The following CSPP1 variants were observed in gnomAD, a reference collection of about 807,000 sequenced individuals.
CSPP1 encodes the protein centrosome and spindle pole-associated protein 1.
Under a neutral mutation model 164.4 loss-of-function variants are expected in CSPP1, and 126 were observed. The observed-to-expected ratio is 0.77, with a 90% confidence interval of 0.66 to 0.89. CSPP1 has a LOEUF of 0.89. CSPP1 is among the 40% of genes least tolerant of loss of function. The pLI is 0.00. For synonymous variants in CSPP1, 472 were observed against 476.7 expected, an observed-to-expected ratio of 0.99 and a Z score of 0.13; for missense variants, 1,395 against 1,449.8, an observed-to-expected ratio of 0.96 and a Z score of 0.61.
intron 3 of CSPP1, among the ~76,000 whole-genome samples, chr8:67,085,143 A>G (rs1810113243): frequency 6.6e-6 from 1 of 152,154 alleles, no homozygotes; most frequent in South Asian, 2.1e-4. Flanking sequence ...TCTGTTTGGG[A>G]TGATGAAAAA....
intron 18 of CSPP1, among the ~76,000 whole-genome samples, chr8:67,151,050 G>A (rs1385453825): frequency 1.3e-5 from 2 of 152,114 alleles, no homozygotes; most frequent in Non-Finnish European, 2.9e-5. Context: ...AAGTGAAGTG[G>A]GGAGCTGTGA....
At chr8:67,167,389 C>T (rs1433070157) in intron 24 of CSPP1, among the ~76,000 whole-genome samples, 15 of 144,168 alleles carry the variant, frequency 1.0e-4, no homozygotes, top group African/African-American at 3.1e-4. Context: ...GCTGGCCGGG[C>T]GGGGGCTGCC....
At chr8:67,076,715 A>G (rs1807996409) in intron 3 of CSPP1, 134 bp downstream of exon 3, 1 of 511,472 alleles carries the variant, frequency 2.0e-6, no homozygotes, top group Non-Finnish European at 3.4e-6. Context: ...ACGTAAGTCA[A>G]TATGGTCTAC....
At chr8:67,120,442 C>G (rs1327123792) in intron 15 of CSPP1, among the ~76,000 whole-genome samples, 1 of 152,138 alleles carries the variant, frequency 6.6e-6, no homozygotes. Context: ...TGTATTGAAT[C>G]TTTGGGTAGT....
intron 16 of CSPP1, 57 bp downstream of exon 16, chr8:67,132,137 C>A: frequency 6.7e-7 from 1 of 1,501,844 alleles, no homozygotes; most frequent in South Asian, 1.3e-5. Context: ...CATGGTGGTC[C>A]CTTAGAGCTC....
At chr8:67,178,440 A>C (rs1009367355) in intron 27 of CSPP1, among the ~76,000 whole-genome samples, 3 of 152,230 alleles carry the variant, frequency 2.0e-5, no homozygotes, top group Non-Finnish European at 2.9e-5. Context: ...GTATAGGAGT[A>C]AACAAAAGGG....
rs762486887 is a variant in CSPP1, at chr8:67,064,513, C to T, written c.-36C>T. ...CTCCCCTGAGTAAGAGTCAGCCAGC[C>T]GCGGATGGGGAGCGTGAGTGGCGAG... On this transcript the variant is annotated 5_prime_UTR_variant, in exon 1 of 31. Coordinates refer to ENST00000678616, the MANE Select transcript of CSPP1 (RefSeq NM_001382391.1). 12 of 1,612,898 alleles carry T rather than the reference C, an allele frequency of 7.4e-6. No homozygotes were observed. The highest frequency in any genetic ancestry group is 1.7e-4 in the Middle Eastern group (1 of 6,058).
At chr8:67,182,666 G>A (rs552141530) in intron 28 of CSPP1, among the ~76,000 whole-genome samples, 1 of 152,276 alleles carries the variant, frequency 6.6e-6, no homozygotes, top group African/African-American at 2.4e-5. Context: ...TTTTTGAATA[G>A]TAGCAATCCT....
At chr8:67,189,908 T>C (rs1288049391) in intron 28 of CSPP1, among the ~76,000 whole-genome samples, 1 of 152,194 alleles carries the variant, frequency 6.6e-6, no homozygotes, top group East Asian at 1.9e-4. Flanking sequence ...CATGTCAAAT[T>C]AGCTACCGAT....
intron 18 of CSPP1, among the ~76,000 whole-genome samples, chr8:67,150,222 C>G (rs1175522875): frequency 1.3e-5 from 2 of 152,054 alleles, no homozygotes; most frequent in African/African-American, 4.8e-5. Flanking sequence ...GGGGACATTT[C>G]TTAATATCAA....
Position 67,158,502 on chromosome 8 carries a change from A to G in CSPP1, c.2297A>G (p.Glu766Gly), listed in dbSNP as rs1353186177. Residue 766 changes from glutamate (E) to glycine (G), a missense_variant, in exon 20 of 31, where the codon GAA (glutamate) becomes GGA (glycine). By Grantham distance (98) the Glu-to-Gly change is moderately conservative. Coordinates refer to ENST00000678616, the MANE Select transcript of CSPP1 (RefSeq NM_001382391.1). ...EAERERLRIA[E>G]EKEERRLAEQ... Reference sequence around the variant, plus strand: ...GAGCGAGAGAGACTGAGAATTGCAGAAGAAAAAGAAGAAAGACGGCTTGCA... The same window carrying G: ...GAGCGAGAGAGACTGAGAATTGCAGGAGAAAAAGAAGAAAGACGGCTTGCA... 1.9e-6 allele frequency: 3 copies of G among 1,613,196 alleles called. No homozygotes were observed. Among genetic ancestry groups the G allele is most frequent in the Non-Finnish European group, 2.5e-6 (3 of 1,179,514 alleles).
chr8:67,094,009 A>T (rs1220742805), intron 6 of CSPP1, among the ~76,000 whole-genome samples: 1 of 147,620 alleles, frequency 6.8e-6, no homozygotes, highest in Non-Finnish European at 1.5e-5. Context: ...AATCCCAACT[A>T]CTTGGGAGGC....
intron 1 of CSPP1, among the ~76,000 whole-genome samples, chr8:67,068,397 C>A (rs772455972): frequency 1.3e-5 from 2 of 152,148 alleles, no homozygotes; most frequent in Non-Finnish European, 2.9e-5. Flanking sequence ...ATGTACACAG[C>A]TACTGGAGAA....
rs1828816022 is a variant in CSPP1, at chr8:67,163,765, G to A, written c.2677G>A (p.Val893Ile). 1.2e-6 allele frequency: 2 copies of A among 1,613,500 alleles called. No individual in the cohort carries two copies. Among genetic ancestry groups the A allele is most frequent in the Non-Finnish European group, 8.5e-7 (1 of 1,179,740 alleles). ...SSMSRAQSPP[V>I]PARKNQLRAE... is the part of the protein sequence containing the mutation. ...CATGTCCAGGGCACAGTCACCCCCG[G>A]TACCTGCCAGGAAAAATCAGCTCCG... The change falls in exon 23 of 31, where the codon GTA becomes ATA. Residue 893 changes from valine to isoleucine, a missense_variant. By Grantham distance (29) the Val-to-Ile change is conservative. Coordinates refer to ENST00000678616, the MANE Select transcript of CSPP1 (RefSeq NM_001382391.1).
In CSPP1 at chr8:67,154,110, T is replaced by G. The variant is rs771817539; in HGVS notation, c.2215T>G (p.Leu739Val). 1 of 1,573,910 alleles carries G rather than the reference T, an allele frequency of 6.4e-7. No individual in the cohort carries two copies. The highest frequency in any genetic ancestry group is 8.7e-7 in the Non-Finnish European group (1 of 1,144,704). ...PTELQIKQQE[L>V]YKNFLRFQIE... ...TGAACTTCAGATTAAACAGCAAGAA[T>G]TATACAAGAATTTTCTTCGTTTCCA... Residue 739 changes from leucine (L) to valine (V), a missense_variant, in exon 19 of 31, where the codon TTA (leucine) becomes GTA (valine). Coordinates refer to ENST00000678616, the MANE Select transcript of CSPP1 (RefSeq NM_001382391.1).
chr8:67,083,548 A>AAAAATATATATAT (rs1332248754), intron 3 of CSPP1: 2 of 91,500 alleles, frequency 2.2e-5, no homozygotes, highest in African/African-American at 8.9e-5. Context: ...AAAAAAAAAA[A>AAAAATATATATAT]ATATATATAT....
intron 1 of CSPP1, 120 bp downstream of exon 1, chr8:67,064,658 C>T (rs1805138933): frequency 5.5e-6 from 2 of 361,462 alleles, no homozygotes; most frequent in Non-Finnish European, 8.2e-6. Context: ...ACTAGGCCGG[C>T]GACGTGCCAG....
chr8:67,079,523 G>C (rs745834919), intron 3 of CSPP1, among the ~76,000 whole-genome samples: 1 of 152,242 alleles, frequency 6.6e-6, no homozygotes, highest in African/African-American at 2.4e-5. Flanking sequence ...TTGTCTGTCA[G>C]ATTTTTGTAA....
In CSPP1 at chr8:67,195,889, G is replaced by C. The variant is rs1483713713; in HGVS notation, c.*296G>C. 3.6e-6 allele frequency: 1 copy of C among 280,270 alleles called. No individual in the cohort carries two copies. The highest frequency in any genetic ancestry group is 6.8e-6 in the Non-Finnish European group (1 of 147,260). 17.4% of individuals were successfully genotyped at this position (280,270 alleles called of 1,614,324 possible). A position where few individuals can be genotyped will look rare whatever the true frequency, so the allele number is the denominator to read the frequency against. ...TATATTGAATTCTGCTTGTCATTAA[G>C]ATAAGGTGAATAAGTGTCTTAAACG... On this transcript the variant is annotated 3_prime_UTR_variant, in exon 31 of 31. Coordinates refer to ENST00000678616, the MANE Select transcript of CSPP1 (RefSeq NM_001382391.1).
Sources: gnomAD v4.1 joint callset for allele counts (sites outside exome capture counted in the v4.1 genomes callset) on GRCh38, gnomAD v4.1.1 for gene constraint, MANE v1.5 for transcripts, NCBI Gene and HGNC (gene_info 2026-07-23, HGNC 2026-07-21) for gene names.